Variants in MET observed in about 807,000 individuals in gnomAD.
MET encodes MET proto-oncogene, receptor tyrosine kinase.
Under a neutral mutation model 133.1 loss-of-function variants are expected in MET, and 48 were observed. The ratio of observed to expected loss-of-function variants is 0.36; its 90% CI spans 0.29 to 0.46. The LOEUF is 0.46. Ranked by LOEUF, MET falls within the 20% of genes least tolerant of loss-of-function variation. The probability of loss-of-function intolerance (pLI) is 1.00; values close to 1 mark genes in which losing one functional copy is unlikely to be tolerated. For synonymous variants in MET, 628 were observed against 616.5 expected, an observed-to-expected ratio of 1.02 and a Z score of -0.28; for missense variants, 1,442 against 1,695.9, an observed-to-expected ratio of 0.85 and a Z score of 2.63.
At chr7:116,686,419 C>T (rs1796559450) in intron 1 of MET, among the ~76,000 whole-genome samples, 1 of 152,206 alleles carries the variant, frequency 6.6e-6, no homozygotes, top group African/African-American at 2.4e-5. Context: ...ACCTCTCCTC[C>T]AGGCAGTTCT....
intron 10 of MET, 79 bp downstream of exon 10, chr7:116,759,569 C>A: frequency 6.7e-7 from 1 of 1,495,390 alleles, no homozygotes; most frequent in Non-Finnish European, 9.2e-7. Flanking sequence ...GTACCTGAGA[C>A]ATCTCAGTTT....
chr7:116,695,709 T>A (rs1420250296), intron 1 of MET: 1 of 451,008 alleles, frequency 2.2e-6, no homozygotes, highest in Non-Finnish European at 4.6e-6. Flanking sequence ...GCAAGTTTGC[T>A]TATCTAGAAG....
At chr7:116,727,335 T>C (rs1792833753) in intron 2 of MET, among the ~76,000 whole-genome samples, 1 of 152,188 alleles carries the variant, frequency 6.6e-6, no homozygotes, top group Admixed American at 6.5e-5. Context: ...CTGGGCACTG[T>C]GACTGAGCCC....
At chr7:116,768,848 ATTAT>A (rs1794728628) in intron 11 of MET, among the ~76,000 whole-genome samples, 1 of 152,224 alleles carries the variant, frequency 6.6e-6, no homozygotes, top group African/African-American at 2.4e-5. Context: ...CGCAAGGCTA[ATTAT>A]TGGTTTCTCA....
intron 1 of MET, among the ~76,000 whole-genome samples, chr7:116,677,969 TTCTCTCTCTC>T (rs760091049): frequency 1.1e-5 from 1 of 93,444 alleles, no homozygotes; most frequent in African/African-American, 7.2e-5. Context: ...AATATTGTCT[TTCTCTCTCTC>T]TCTCTCTGTC....
chr7:116,738,080 GA>G (rs1334654331), intron 3 of MET, among the ~76,000 whole-genome samples: 3 of 152,206 alleles, frequency 2.0e-5, no homozygotes, highest in Non-Finnish European at 4.4e-5. Context: ...AGCATAGAAT[GA>G]GCTGGAAAAC....
rs1314210830 is a variant in MET, at chr7:116,779,420, C to A, written c.3522+463C>A. 2.0e-5 allele frequency among the ~76,000 whole-genome samples: 3 copies of A among 152,220 alleles called. 1 individual carries two copies. The highest frequency in any genetic ancestry group is 6.5e-5 in the Admixed American group (1 of 15,274). ...GTGCTCCCTCAGCCTGGAACACTCT[C>A]CCCGCAAATAGCCACGTATCTCACT... On this transcript the variant is annotated intron_variant, in intron 17 of 20. Transcript: ENST00000397752.
intron 2 of MET, among the ~76,000 whole-genome samples, chr7:116,718,337 G>A (rs956448237): frequency 2.6e-5 from 4 of 151,972 alleles, no homozygotes; most frequent in African/African-American, 7.3e-5. Context: ...GTAGTGAGCC[G>A]AGATCACGCC....
Position 116,783,376 on chromosome 7 carries a change from T to G in MET, c.3705T>G (p.Tyr1235Ter). 6.2e-7 allele frequency: 1 copy of G among 1,614,168 alleles called. No individual in the cohort carries two copies. Among genetic ancestry groups the G allele is most frequent in the Non-Finnish European group, 8.5e-7 (1 of 1,180,012 alleles). Reference sequence around the variant, plus strand: ...GAGACATGTATGATAAAGAATACTATAGTGTACACAACAAAACAGGTGCAA... The same window carrying G: ...GAGACATGTATGATAAAGAATACTAGAGTGTACACAACAAAACAGGTGCAA... ...LARDMYDKEYYSVHNKTGAKL... is the reference protein window; with the variant it reads ...LARDMYDKEY Residue 1235 changes from tyrosine to a stop codon, truncating the protein, a stop_gained, in exon 19 of 21, where the codon TAT becomes TAG. Transcript: ENST00000397752. LOFTEE classifies it high-confidence loss of function.
chr7:116,769,612 G>C (rs545006646), intron 11 of MET, 33 bp from the exon 12 acceptor site: 1 of 1,592,612 alleles, frequency 6.3e-7, no homozygotes, highest in South Asian at 1.1e-5. Flanking sequence ...ACTGTGAAGT[G>C]TTAACAACCT....
chr7:116,681,871 A>G (rs1225638395), intron 1 of MET, among the ~76,000 whole-genome samples: 2 of 152,220 alleles, frequency 1.3e-5, no homozygotes, highest in African/African-American at 4.8e-5. Flanking sequence ...GTTTTTAATG[A>G]GTATCAAATA....
chr7:116,684,771 A>T (rs1281432191), intron 1 of MET, among the ~76,000 whole-genome samples: 1 of 152,188 alleles, frequency 6.6e-6, no homozygotes, highest in African/African-American at 2.4e-5. Flanking sequence ...GGGCAGAAAA[A>T]AATGGTATGT....
chr7:116,778,084 G>A (rs1000711011), intron 16 of MET, among the ~76,000 whole-genome samples: 3 of 152,134 alleles, frequency 2.0e-5, no homozygotes, highest in Non-Finnish European at 4.4e-5. Flanking sequence ...AAGATGAAAT[G>A]CATACTCTGT....
intron 5 of MET, among the ~76,000 whole-genome samples, chr7:116,741,723 A>G (rs1022669595): frequency 6.6e-6 from 1 of 152,250 alleles, no homozygotes; most frequent in African/African-American, 2.4e-5. Context: ...ACGGATGACT[A>G]TACTAACATC....
intron 16 of MET, among the ~76,000 whole-genome samples, chr7:116,777,682 G>A (rs1004902398): frequency 1.3e-5 from 2 of 152,186 alleles, no homozygotes; most frequent in Non-Finnish European, 2.9e-5. Context: ...TAGTAAGGGG[G>A]TAGGAGAAAT....
chr7:116,750,950 G>A (rs1793896148), intron 5 of MET, among the ~76,000 whole-genome samples: 1 of 152,150 alleles, frequency 6.6e-6, no homozygotes, highest in Admixed American at 6.5e-5. Flanking sequence ...TGGAGAAATA[G>A]GGAATGCTTT....
intron 3 of MET, among the ~76,000 whole-genome samples, chr7:116,737,246 G>C (rs1356055623): frequency 6.6e-6 from 1 of 152,200 alleles, no homozygotes; most frequent in Non-Finnish European, 1.5e-5. Flanking sequence ...ATCAAAAGTA[G>C]AGCTTGGCGG....
chr7:116,703,322 A>G (rs1480456685), intron 2 of MET, among the ~76,000 whole-genome samples: 1 of 152,194 alleles, frequency 6.6e-6, no homozygotes, highest in African/African-American at 2.4e-5. Context: ...ATTGAGTACT[A>G]TGAGATTATA....
intron 3 of MET, among the ~76,000 whole-genome samples, chr7:116,732,111 A>AT (rs957360240): frequency 2.6e-5 from 4 of 151,958 alleles, no homozygotes; most frequent in Non-Finnish European, 5.9e-5. Context: ...ATGGTGTGGC[A>AT]TTTTTTTTCC....
Sources: allele counts gnomAD v4.1 joint callset (sites outside exome capture counted in the v4.1 genomes callset), GRCh38; gene constraint gnomAD v4.1.1; transcripts MANE v1.5; gene names NCBI Gene and HGNC (gene_info 2026-07-23, HGNC 2026-07-21).